Variants in ARL13B observed in about 807,000 individuals in gnomAD.
The protein encoded by ARL13B is ARF like GTPase 13B, also known as ADP-ribosylation factor-like protein 13B.
In ARL13B, 36 loss-of-function variants were observed where a neutral mutation model predicts 56.1. The observed-to-expected ratio is 0.64, with a 90% confidence interval of 0.49 to 0.85. ARL13B has a LOEUF of 0.85. ARL13B is among the 40% of genes least tolerant of loss of function. The pLI is 0.00. For missense variants in ARL13B, 519 were observed against 507.1 expected, an observed-to-expected ratio of 1.02 and a Z score of -0.23; for synonymous variants, 178 against 171.1, an observed-to-expected ratio of 1.04 and a Z score of -0.32.
intron 3 of ARL13B, among the ~76,000 whole-genome samples, chr3:94,027,890 G>A (rs934742290): frequency 1.2e-4 from 18 of 152,014 alleles, no homozygotes; most frequent in African/African-American, 3.9e-4. Context: ...GAAGATTCTA[G>A]TAAACAACAA....
intron 3 of ARL13B, among the ~76,000 whole-genome samples, chr3:94,016,040 T>C (rs558539332): frequency 6.6e-6 from 1 of 152,160 alleles, no homozygotes; most frequent in African/African-American, 2.4e-5. Context: ...AATAATGATA[T>C]TGACACTTAT....
At chr3:94,002,000 C>T (rs2076063550) in intron 2 of ARL13B, among the ~76,000 whole-genome samples, 1 of 152,148 alleles carries the variant, frequency 6.6e-6, no homozygotes. Flanking sequence ...TGGCTCTTAA[C>T]TTTCTCAGGT....
rs1349846329 is a variant in ARL13B, at chr3:94,054,622, TTAATA to T, written c.*1364_*1368del. On this transcript the variant is annotated 3_prime_UTR_variant, in exon 10 of 10. Coordinates refer to ENST00000394222, the MANE Select transcript of ARL13B (RefSeq NM_001174150.2). ...TAACATTAAGTACATTTTATGTCGT[TTAATA>T]TAATTATTTACTTTAAAAATTGTAC... is the stretch of plus-strand genomic sequence containing the variant. 8.0e-6 allele frequency: 3 copies of T among 375,266 alleles called. No homozygotes were observed. Among genetic ancestry groups the T allele is most frequent in the African/African-American group, 6.4e-5 (3 of 46,714 alleles). The allele number at this position is 375,266 out of a possible 1,614,324, so 23.2% of individuals were successfully genotyped here. A position where few individuals can be genotyped will look rare whatever the true frequency, so the allele number is the denominator to read the frequency against.
In ARL13B at chr3:94,054,589, G is replaced by C. The variant is rs1246116003; in HGVS notation, c.*1326G>C. ...GTACTGACACAACAGACATGTGCTAGTATCTGATAACATTAAGTACATTTT... is the reference window on the plus strand; with the variant it reads ...GTACTGACACAACAGACATGTGCTACTATCTGATAACATTAAGTACATTTT... On this transcript the variant is annotated 3_prime_UTR_variant, in exon 10 of 10. Transcript: ENST00000394222. 3 of 393,904 alleles carry C rather than the reference G, an allele frequency of 7.6e-6. No homozygotes were observed. Among genetic ancestry groups the C allele is most frequent in the South Asian group, 5.8e-5 (3 of 51,952 alleles). The allele number at this position is 393,904 out of a possible 1,614,324, so 24.4% of individuals were successfully genotyped here.
intron 7 of ARL13B, among the ~76,000 whole-genome samples, chr3:94,046,239 A>G (rs1424742617): frequency 6.6e-6 from 1 of 151,956 alleles, no homozygotes; most frequent in Non-Finnish European, 1.5e-5. Flanking sequence ...ATTATCCCCA[A>G]AAGTTTCTTC....
intron 3 of ARL13B, among the ~76,000 whole-genome samples, chr3:94,029,772 A>G (rs2076642497): frequency 6.6e-6 from 1 of 152,172 alleles, no homozygotes; most frequent in African/African-American, 2.4e-5. Flanking sequence ...GGAAACACAA[A>G]AGTCCTTCAG....
In ARL13B at chr3:94,053,059, T is replaced by C. The variant is rs569466205; in HGVS notation, c.1211-128T>C. The C allele has an allele frequency of 1.5e-5, 12 of 775,490 alleles. No individual in the cohort carries two copies. In the South Asian group the frequency reaches 1.8e-4, roughly 12 times the overall value. 48.0% of individuals were successfully genotyped at this position (775,490 alleles called of 1,614,324 possible). A position where few individuals can be genotyped will look rare whatever the true frequency, so the allele number is the denominator to read the frequency against. On this transcript the variant is annotated intron_variant, in intron 9 of 9. Transcript: ENST00000394222. ...GAAGGAAATCTTTTAGAGAGGCATGTCAAGATTCTGTAAGTTTATCTCTTT... is the reference window on the plus strand; with the variant it reads ...GAAGGAAATCTTTTAGAGAGGCATGCCAAGATTCTGTAAGTTTATCTCTTT...
chr3:94,036,720 A>C lies in ARL13B; in HGVS notation c.655A>C (p.Arg219=). 6.2e-7 allele frequency: 1 copy of C among 1,613,756 alleles called. No individual in the cohort carries two copies. Among genetic ancestry groups the C allele is most frequent in the Non-Finnish European group, 8.5e-7 (1 of 1,179,748 alleles). ...TCTTGAGGAACAAGAGAAACAAGAA[A>C]GAGCTGAACGAGTGCGAAAATTACG... ...RALEEQEKQE[R]AERVRKLREE... The change falls in exon 5 of 10, where the codon AGA becomes CGA. Residue 219 remains arginine, a synonymous_variant. Coordinates refer to ENST00000394222, the MANE Select transcript of ARL13B (RefSeq NM_001174150.2).
At chr3:94,031,575 C>T (rs2076677763) in intron 3 of ARL13B, among the ~76,000 whole-genome samples, 1 of 151,998 alleles carries the variant, frequency 6.6e-6, no homozygotes, top group Non-Finnish European at 1.5e-5. Flanking sequence ...TACCTTTGAG[C>T]CTTAAAAAGA....
intron 3 of ARL13B, among the ~76,000 whole-genome samples, chr3:94,034,708 A>T (rs1234105969): frequency 6.6e-6 from 1 of 152,130 alleles, no homozygotes; most frequent in Non-Finnish European, 1.5e-5. Flanking sequence ...TAATTTATGG[A>T]TGTGACCTGT....
In ARL13B at chr3:93,985,780, C is replaced by G. The variant is rs1195817884; in HGVS notation, c.59+5298C>G. 2.0e-5 allele frequency among the ~76,000 whole-genome samples: 3 copies of G among 152,172 alleles called. 1 individual carries two copies. Among genetic ancestry groups the G allele is most frequent in the South Asian group, 4.1e-4 (2 of 4,834 alleles). On this transcript the variant is annotated intron_variant, in intron 1 of 9. Transcript: ENST00000394222. ...CCACAGAGTTAACCTTTAATTGGAA[C>G]TGATTTCTTGTCCATCTGTGTTTTT...
At chr3:94,028,138 A>G (rs968329044) in intron 3 of ARL13B, among the ~76,000 whole-genome samples, 32 of 152,136 alleles carry the variant, frequency 2.1e-4, no homozygotes, top group Non-Finnish European at 2.2e-4. Context: ...TCTTTCCTCT[A>G]AAGTTGATTT....
At chr3:94,030,265 C>T (rs1160931056) in intron 3 of ARL13B, among the ~76,000 whole-genome samples, 6 of 152,006 alleles carry the variant, frequency 3.9e-5, no homozygotes, top group Non-Finnish European at 1.5e-5. Context: ...CTCACTCTGT[C>T]ACCCAGCCTG....
At chr3:94,024,441 C>G (rs1223283718) in intron 3 of ARL13B, among the ~76,000 whole-genome samples, 1 of 152,214 alleles carries the variant, frequency 6.6e-6, no homozygotes, top group African/African-American at 2.4e-5. Context: ...GGTTCAGTAG[C>G]TTTTAACAAT....
intron 7 of ARL13B, among the ~76,000 whole-genome samples, chr3:94,044,807 G>T (rs371438947): frequency 7.1e-6 from 1 of 141,116 alleles, no homozygotes; most frequent in Non-Finnish European, 1.5e-5. Context: ...CGGCCGCGCC[G>T]TCTGGGAAGT....
At chr3:93,993,186 C>T (rs1366158764) in intron 1 of ARL13B, among the ~76,000 whole-genome samples, 4 of 151,904 alleles carry the variant, frequency 2.6e-5, no homozygotes, top group Admixed American at 6.6e-5. Flanking sequence ...GGTGCAGGGG[C>T]GTGATCTCGG....
chr3:94,011,436 G>T (rs2076223193), intron 3 of ARL13B, among the ~76,000 whole-genome samples: 1 of 152,080 alleles, frequency 6.6e-6, no homozygotes, highest in Non-Finnish European at 1.5e-5. Context: ...CTCTCATTCT[G>T]TTCTCCCTTA....
intron 7 of ARL13B, among the ~76,000 whole-genome samples, chr3:94,047,348 C>T (rs1237529386): frequency 6.6e-6 from 1 of 152,084 alleles, no homozygotes; most frequent in Non-Finnish European, 1.5e-5. Flanking sequence ...ATGTAACTGT[C>T]AGCAGAGTTA....
rs1033066422 is a variant in ARL13B at position 94,055,109 on chromosome 3, G to A, written c.*1846G>A. On this transcript the variant is annotated 3_prime_UTR_variant, in exon 10 of 10. Coordinates refer to ENST00000394222, the MANE Select transcript of ARL13B (RefSeq NM_001174150.2). The stretch of plus-strand genomic sequence containing the variant: ...TAATATAGAATTCACATTTTATATA[G>A]CTCTCTCAAAAATTAATTTTTATTC... The A allele has an allele frequency of 8.2e-6, 3 of 367,362 alleles. No homozygotes were observed. The highest frequency in any genetic ancestry group is 6.5e-5 in the African/African-American group (3 of 46,068). The allele number at this position is 367,362 out of a possible 1,614,324, so 22.8% of individuals were successfully genotyped here. A position where few individuals can be genotyped will look rare whatever the true frequency, so the allele number is the denominator to read the frequency against.
Sources: gnomAD v4.1 joint callset for allele counts (sites outside exome capture counted in the v4.1 genomes callset) on GRCh38, gnomAD v4.1.1 for gene constraint, MANE v1.5 for transcripts, NCBI Gene and HGNC (gene_info 2026-07-23, HGNC 2026-07-21) for gene names.